ZNF207: variants seen among roughly 807,000 people sequenced by gnomAD.
ZNF207 encodes the protein BUB3-interacting and GLEBS motif-containing protein ZNF207.
A neutral mutation model predicts 60.2 loss-of-function variants in ZNF207; 24 were observed. That is an observed-to-expected ratio of 0.40 (90% CI 0.29 to 0.56). ZNF207 has a LOEUF of 0.56. Ranked by LOEUF, ZNF207 falls within the 20% of genes least tolerant of loss-of-function variation. The probability of loss-of-function intolerance (pLI) is 0.49; values close to 1 mark genes in which losing one functional copy is unlikely to be tolerated. For missense variants in ZNF207, 452 were observed against 636.6 expected (o/e 0.71, Z 3.12); for synonymous variants, 236 against 194.7 (o/e 1.21, Z -1.77).
chr17:32,366,500 G>GT (rs1423823996), intron 8 of ZNF207, among the ~76,000 whole-genome samples, 165 bp from the exon 9 acceptor site: 1 of 152,134 alleles, frequency 6.6e-6, no homozygotes, highest in Admixed American at 6.5e-5. Context: ...CTTTAATTTT[G>GT]TTTATTGTAA....
intron 2 of ZNF207, among the ~76,000 whole-genome samples, chr17:32,357,348 ATTATTTT>A (rs1308301534): frequency 3.9e-5 from 3 of 77,658 alleles, no homozygotes; most frequent in African/African-American, 2.0e-4. Context: ...TATTATTATT[ATTATTTT>A]TTTTTTTTTT....
rs142330011 is a variant in ZNF207, at chr17:32,380,968, GAAA to G, written c.*11214_*11216del. The G allele has an allele frequency of 6.6e-6, 1 of 151,412 alleles. No homozygotes were observed. The highest frequency in any genetic ancestry group is 2.1e-4 in the South Asian group (1 of 4,814). 9.4% of individuals were successfully genotyped at this position (151,412 alleles called of 1,614,324 possible). ...CGAGACTCCGTCTCAAAAAAAAAAA[GAAA>G]AAAAGAAAAAGTGATAAGATTTGGG... On this transcript the variant is annotated 3_prime_UTR_variant, in exon 12 of 12. Coordinates refer to ENST00000394670, the MANE Select transcript of ZNF207 (RefSeq NM_001098507.2).
At position 32,350,159 on chromosome 17, in the gene ZNF207, C is replaced by T. The variant is rs751208024; in HGVS notation, c.-127C>T. The T allele has an allele frequency of 6.7e-6, 10 of 1,485,182 alleles. No individual in the cohort carries two copies. In the South Asian group the frequency reaches 9.3e-5, roughly 14 times the overall value. 92.0% of individuals were successfully genotyped at this position (1,485,182 alleles called of 1,614,324 possible). A position where few individuals can be genotyped will look rare whatever the true frequency, so the allele number is the denominator to read the frequency against. On this transcript the variant is annotated 5_prime_UTR_variant, in exon 1 of 12. Coordinates refer to ENST00000394670, the MANE Select transcript of ZNF207 (RefSeq NM_001098507.2). The stretch of plus-strand genomic sequence containing the variant: ...GAGGCGGAGCGGGGAACGAGGCCGT[C>T]GGCCATTTTGTGTCTGCTTCCTGTG...
intron 6 of ZNF207, among the ~76,000 whole-genome samples, chr17:32,362,106 GTAT>G (rs1217073089): frequency 2.0e-5 from 3 of 149,620 alleles, no homozygotes; most frequent in Non-Finnish European, 3.0e-5. Context: ...TTTGGTGGTA[GTAT>G]TTCCTTTCTC....
Position 32,380,012 on chromosome 17 carries a change from T to C in ZNF207, c.*10253T>C, listed in dbSNP as rs1905821918. The C allele has an allele frequency of 6.6e-6, 1 of 152,348 alleles. No individual in the cohort carries two copies. Among genetic ancestry groups the C allele is most frequent in the Admixed American group, 6.5e-5 (1 of 15,278 alleles). 9.4% of individuals were successfully genotyped at this position (152,348 alleles called of 1,614,324 possible). A position where few individuals can be genotyped will look rare whatever the true frequency, so the allele number is the denominator to read the frequency against. On this transcript the variant is annotated 3_prime_UTR_variant, in exon 12 of 12. Transcript: ENST00000394670. ...CAGTCAACTGTGATGCTTTTTAGTA[T>C]GAACAATGATAGTTTTCTAAAATCT...
chr17:32,352,478 T>G (rs1446337658), intron 2 of ZNF207, among the ~76,000 whole-genome samples: 1 of 152,194 alleles, frequency 6.6e-6, no homozygotes, highest in Non-Finnish European at 1.5e-5. Context: ...TAGGTTAGAT[T>G]GGTAACATAT....
rs1259790371 is a variant in ZNF207 at position 32,360,686 on chromosome 17, T to G, written c.396T>G (p.Val132=). Residue 132 remains valine (V), a synonymous_variant, in exon 4 of 12, where the codon GTT becomes GTG. Transcript: ENST00000394670. ...CAACTTCATTTCAGCCACAGCCTGT[T>G]CAACCTCAGCAAGGTTATATTCCTC... The part of the protein sequence containing the change: ...AASTSFQPQP[V]QPQQGYIPPM... 6.2e-7 allele frequency: 1 copy of G among 1,614,054 alleles called. No individual in the cohort carries two copies.
intron 2 of ZNF207, among the ~76,000 whole-genome samples, chr17:32,353,609 C>G (rs1383920747): frequency 6.7e-6 from 1 of 149,048 alleles, no homozygotes; most frequent in Non-Finnish European, 1.5e-5. Flanking sequence ...TGGTGAAACC[C>G]CATCTCTACA....
chr17:32,355,618 T>C (rs945707381), intron 2 of ZNF207, among the ~76,000 whole-genome samples: 3 of 152,196 alleles, frequency 2.0e-5, no homozygotes, highest in Admixed American at 6.5e-5. Context: ...GGGTGGCTAG[T>C]TTAAGCCGCG....
rs952592610 is a variant in ZNF207, at chr17:32,361,380, T to C, written c.552-88T>C. 3.7e-6 allele frequency: 4 copies of C among 1,079,920 alleles called. No individual in the cohort carries two copies. The African/African-American group carries it at 6.4e-5, about 17-fold the overall frequency. 66.9% of individuals were successfully genotyped at this position (1,079,920 alleles called of 1,614,324 possible). A position where few individuals can be genotyped will look rare whatever the true frequency, so the allele number is the denominator to read the frequency against. On this transcript the variant is annotated intron_variant, in intron 5 of 11. Coordinates refer to ENST00000394670, the MANE Select transcript of ZNF207 (RefSeq NM_001098507.2). The stretch of plus-strand genomic sequence containing the variant: ...TGTGCCCATCACTTTTACTTAAATA[T>C]TGTTGGATGTGAGAGGTATACAATA...
chr17:32,381,731 A>G lies in ZNF207; in HGVS notation c.*11972A>G, dbSNP rs767499478. The G allele has an allele frequency of 2.0e-5, 3 of 152,102 alleles. No homozygotes were observed. The highest frequency in any genetic ancestry group is 4.8e-5 in the African/African-American group (2 of 41,420). 9.4% of individuals were successfully genotyped at this position (152,102 alleles called of 1,614,324 possible). A position where few individuals can be genotyped will look rare whatever the true frequency, so the allele number is the denominator to read the frequency against. On this transcript the variant is annotated 3_prime_UTR_variant, in exon 12 of 12. Coordinates refer to ENST00000394670, the MANE Select transcript of ZNF207 (RefSeq NM_001098507.2). ...ATTTCCATATCTGAAGCCTGAAGTT[A>G]TTTTTTAGTTTGTTTTCATCTAAAA... is the stretch of plus-strand genomic sequence containing the variant.
At chr17:32,361,343 A>G (rs1166517759) in intron 5 of ZNF207, 125 bp from the exon 6 acceptor site, 4 of 701,080 alleles carry the variant, frequency 5.7e-6, no homozygotes, top group Non-Finnish European at 9.1e-6. Context: ...ACTAAAATGA[A>G]TATGAGGTGC....
Position 32,376,420 on chromosome 17 carries a change from G to C in ZNF207, c.*6661G>C, listed in dbSNP as rs914385927. ...CTATACATTTTTGCATAATATTTTA[G>C]TCTTGAAAAGCTTTTCATTTTCTTA... is the stretch of plus-strand genomic sequence containing the variant. On this transcript the variant is annotated 3_prime_UTR_variant, in exon 12 of 12. Coordinates refer to ENST00000394670, the MANE Select transcript of ZNF207 (RefSeq NM_001098507.2). 1 of 151,772 alleles carries C rather than the reference G, an allele frequency of 6.6e-6. No individual in the cohort carries two copies. Among genetic ancestry groups the C allele is most frequent in the African/African-American group, 2.4e-5 (1 of 41,342 alleles). The allele number at this position is 151,772 out of a possible 1,614,324, so 9.4% of individuals were successfully genotyped here.
rs778060076 is a variant in ZNF207, at chr17:32,360,737, A to T, written c.447A>T (p.Pro149=). Residue 149 remains proline (P), a synonymous_variant, in exon 4 of 12, where the codon CCA becomes CCT. Transcript: ENST00000394670. ...CAATGGCACAGCCAGGACTGCCACC[A>T]GTACCAGGAGCACCAGGAATGCCTC... ...IPPMAQPGLP[P]VPGAPGMPPG... is the part of the protein sequence containing the mutation. The T allele has an allele frequency of 6.2e-7, 1 of 1,614,126 alleles. No homozygotes were observed. The highest frequency in any genetic ancestry group is 1.1e-5 in the South Asian group (1 of 91,046).
At chr17:32,357,054 C>T (rs1018988817) in intron 2 of ZNF207, among the ~76,000 whole-genome samples, 3 of 151,878 alleles carry the variant, frequency 2.0e-5, no homozygotes, top group Non-Finnish European at 4.4e-5. Context: ...TGGCGGCACG[C>T]ACCTGTAGTC....
At chr17:32,357,345 ATTATTAT>A (rs1348679350) in intron 2 of ZNF207, among the ~76,000 whole-genome samples, 6 of 65,006 alleles carry the variant, frequency 9.2e-5, no homozygotes, top group African/African-American at 2.7e-4. Context: ...TATTATTATT[ATTATTAT>A]TTTTTTTTTT....
chr17:32,353,158 G>GCAACA (rs1904311653), intron 2 of ZNF207, among the ~76,000 whole-genome samples: 2 of 151,960 alleles, frequency 1.3e-5, no homozygotes, highest in South Asian at 2.1e-4. Flanking sequence ...TGGGCAACAG[G>GCAACA]GTGAGACTCT....
Position 32,367,867 on chromosome 17 carries a change from T to C in ZNF207, c.1017T>C (p.Pro339=). The change falls in exon 10 of 12, where the codon CCT becomes CCC. Residue 339 remains proline, a synonymous_variant. Coordinates refer to ENST00000394670, the MANE Select transcript of ZNF207 (RefSeq NM_001098507.2). ...CAGAACCCCCAAAGCCTACATTCCC[T>C]GCTTATACACAGTCTACAGCTTCAA... The part of the protein sequence containing the change: ...TTTEPPKPTF[P]AYTQSTASTT... 6.2e-7 allele frequency: 1 copy of C among 1,614,184 alleles called. No homozygotes were observed. Among genetic ancestry groups the C allele is most frequent in the Non-Finnish European group, 8.5e-7 (1 of 1,180,034 alleles).
intron 6 of ZNF207, among the ~76,000 whole-genome samples, chr17:32,362,540 G>A (rs1040920201): frequency 6.6e-6 from 1 of 152,122 alleles, no homozygotes; most frequent in Non-Finnish European, 1.5e-5. Flanking sequence ...CTGAAATAGA[G>A]ATTTCTTCTT....
Sources: gnomAD v4.1 joint callset for allele counts (sites outside exome capture counted in the v4.1 genomes callset) on GRCh38, gnomAD v4.1.1 for gene constraint, MANE v1.5 for transcripts, NCBI Gene and HGNC (gene_info 2026-07-23, HGNC 2026-07-21) for gene names.